ARHGAP20: variants seen among roughly 807,000 people sequenced by gnomAD.
ARHGAP20 encodes the protein Rho GTPase activating protein 20.
ARHGAP20 carries 34 observed loss-of-function variants against 73.7 expected under a neutral mutation model. The observed-to-expected ratio is 0.46, with a 90% CI of 0.35 to 0.61. The LOEUF (loss-of-function observed/expected upper bound fraction) is 0.61. Ranked by LOEUF, ARHGAP20 falls within the 20% of genes least tolerant of loss-of-function variation. The probability of loss-of-function intolerance (pLI) is 0.00; values close to 1 mark genes in which losing one functional copy is unlikely to be tolerated. For missense variants in ARHGAP20, 1,314 were observed against 1,420.9 expected (o/e 0.92, Z 1.21); for synonymous variants, 523 against 518.2 (o/e 1.01, Z -0.13).
intron 2 of ARHGAP20, among the ~76,000 whole-genome samples, chr11:110,678,706 G>A (rs190703798): frequency 3.9e-4 from 60 of 152,208 alleles, no homozygotes; most frequent in Middle Eastern, 3.4e-3. Context: ...CTGTTGTCCA[G>A]GCTGGAGTGC....
At chr11:110,643,357 G>A (rs1368039049) in intron 2 of ARHGAP20, among the ~76,000 whole-genome samples, 1 of 151,990 alleles carries the variant, frequency 6.6e-6, no homozygotes, top group Non-Finnish European at 1.5e-5. Flanking sequence ...TAGATGTGAC[G>A]TTAGATTGTT....
rs190760667 is a variant in ARHGAP20 at position 110,641,978 on chromosome 11, A to G, written c.189-11186T>C. Among the ~76,000 whole-genome samples the G allele has an allele frequency of 3.5e-3, 536 of 152,218 alleles. 4 individuals carry two copies. Among genetic ancestry groups the G allele is most frequent in the Admixed American group, 0.015 (227 of 15,256 alleles). The stretch of plus-strand genomic sequence containing the variant: ...TGTTAGTTTGTTTATGGATTCAACA[A>G]TGAACAAGGTCATCAATATGCTTAC... On this transcript the variant is annotated intron_variant, in intron 2 of 14. Transcript: ENST00000683387.
intron 2 of ARHGAP20, among the ~76,000 whole-genome samples, chr11:110,638,594 G>A (rs1003455385): frequency 6.6e-6 from 1 of 151,910 alleles, no homozygotes; most frequent in Non-Finnish European, 1.5e-5. Flanking sequence ...TGGGGGTGGG[G>A]TGGGGTGAGC....
At chr11:110,615,471 A>G (rs760960491) in intron 5 of ARHGAP20, 82 bp downstream of exon 5, 1 of 1,320,698 alleles carries the variant, frequency 7.6e-7, no homozygotes, top group Non-Finnish European at 1.1e-6. Flanking sequence ...AAGGGGAATA[A>G]TTTGGGGCAC....
chr11:110,644,997 T>TTCTCTCTCTCTCTCTCTCTCTC (rs71476091), intron 2 of ARHGAP20, among the ~76,000 whole-genome samples: 10 of 150,412 alleles, frequency 6.6e-5, no homozygotes, highest in South Asian at 2.1e-4. Flanking sequence ...GAACAGACAC[T>TTCTCTCTCTCTCTCTCTCTCTC]TCTCTCTCTC....
At chr11:110,663,302 G>T (rs1002579102) in intron 2 of ARHGAP20, among the ~76,000 whole-genome samples, 1 of 149,974 alleles carries the variant, frequency 6.7e-6, no homozygotes, top group Non-Finnish European at 1.5e-5. Flanking sequence ...GACTGTTCAG[G>T]AATATGAGAA....
rs184717786 is a variant in ARHGAP20, at chr11:110,579,367, T to A, written c.*3A>T. On this transcript the variant is annotated 3_prime_UTR_variant, in exon 15 of 15. Transcript: ENST00000683387. Reference sequence around the variant, plus strand: ...TCTTGTGGACATCAGATTCTTACTATGCTTAAATGTCTTTGGTTAAATACC... The same window carrying A: ...TCTTGTGGACATCAGATTCTTACTAAGCTTAAATGTCTTTGGTTAAATACC... 8 of 1,574,372 alleles carry A rather than the reference T, an allele frequency of 5.1e-6. No individual in the cohort carries two copies. In the Admixed American group the frequency reaches 1.4e-4, roughly 28 times the overall value.
At chr11:110,633,997 T>C (rs910747759) in intron 2 of ARHGAP20, among the ~76,000 whole-genome samples, 1 of 151,936 alleles carries the variant, frequency 6.6e-6, no homozygotes, top group African/African-American at 2.4e-5. Context: ...TGAGAAAAGA[T>C]GTAAGTTGAA....
In ARHGAP20 at chr11:110,580,958, A is replaced by G; in HGVS notation, c.1988T>C (p.Leu663Ser). The change falls in exon 15 of 15, where the codon TTA becomes TCA. Residue 663 changes from leucine to serine, a missense_variant. By Grantham distance (145) the Leu-to-Ser change is moderately radical (BLOSUM62 -2). Coordinates refer to ENST00000683387, the MANE Select transcript of ARHGAP20 (RefSeq NM_001384657.1). ...RPLESKPVNI[L>S]VYTKIPLRDH... The stretch of plus-strand genomic sequence containing the variant: ...CCGCAGTGGGATCTTTGTGTACACT[A>G]AAATGTTCACCGGCTTGGATTCAAG... 1 of 1,614,210 alleles carries G rather than the reference A, an allele frequency of 6.2e-7. No homozygotes were observed. Among genetic ancestry groups the G allele is most frequent in the Non-Finnish European group, 8.5e-7 (1 of 1,180,030 alleles).
At chr11:110,703,434 A>G (rs898813645) in intron 1 of ARHGAP20, among the ~76,000 whole-genome samples, 6 of 151,746 alleles carry the variant, frequency 4.0e-5, no homozygotes, top group African/African-American at 7.3e-5. Context: ...TAAAATGGAC[A>G]CAATACCTGC....
At chr11:110,701,896 T>TA (rs1565485681) in intron 1 of ARHGAP20, among the ~76,000 whole-genome samples, 1 of 152,112 alleles carries the variant, frequency 6.6e-6, no homozygotes, top group Non-Finnish European at 1.5e-5. Context: ...TAGTTGTAGA[T>TA]ATGCGGCGTT....
chr11:110,710,128 C>T (rs1405733974), intron 1 of ARHGAP20, among the ~76,000 whole-genome samples: 3 of 152,178 alleles, frequency 2.0e-5, no homozygotes, highest in African/African-American at 7.2e-5. Flanking sequence ...GTATGAATTA[C>T]AGATATAGGG....
chr11:110,611,771 A>G (rs1253254211), intron 6 of ARHGAP20, among the ~76,000 whole-genome samples: 2 of 152,032 alleles, frequency 1.3e-5, no homozygotes, highest in South Asian at 2.1e-4. Flanking sequence ...AAAAAAGGCA[A>G]GAGCTGAATC....
intron 4 of ARHGAP20, among the ~76,000 whole-genome samples, chr11:110,622,812 A>G (rs1343953670): frequency 1.3e-5 from 2 of 152,228 alleles, no homozygotes; most frequent in Non-Finnish European, 2.9e-5. Context: ...TTATCACAAT[A>G]CATCAAGGAG....
chr11:110,686,861 T>C (rs1052825141), intron 2 of ARHGAP20, among the ~76,000 whole-genome samples: 5 of 151,838 alleles, frequency 3.3e-5, no homozygotes, highest in African/African-American at 4.8e-5. Flanking sequence ...TGAAATTGTA[T>C]TGCTTACAAA....
At position 110,630,791 on chromosome 11, in the gene ARHGAP20, C is replaced by T. The variant is rs757739907; in HGVS notation, c.190G>A (p.Asp64Asn). 1 of 1,612,092 alleles carries T rather than the reference C, an allele frequency of 6.2e-7. No homozygotes were observed. Among genetic ancestry groups the T allele is most frequent in the East Asian group, 2.2e-5 (1 of 44,844 alleles). ...KALQKRPTTR[D>N]SPSASVDTCT... The stretch of plus-strand genomic sequence containing the variant: ...GTGTCAACACTAGCAGAAGGACTGT[C>T]CCTGTAACAGATCAAATGCCACAGA... The change falls in exon 3 of 15, where the codon GAC becomes AAC. Residue 64 changes from aspartate (D) to asparagine (N), a missense_variant and splice_region_variant. This residue lies in a region of ARHGAP20 where 443 missense variants were observed against 466.4 expected (regional missense o/e 0.95). Coordinates refer to ENST00000683387, the MANE Select transcript of ARHGAP20 (RefSeq NM_001384657.1).
At chr11:110,674,967 C>T (rs779906875) in intron 2 of ARHGAP20, among the ~76,000 whole-genome samples, 6 of 152,156 alleles carry the variant, frequency 3.9e-5, no homozygotes, top group Non-Finnish European at 4.4e-5. Flanking sequence ...ATGTACAGAA[C>T]GTGCAGTTTT....
At chr11:110,612,710 T>C (rs1371979296) in intron 6 of ARHGAP20, among the ~76,000 whole-genome samples, 1 of 151,794 alleles carries the variant, frequency 6.6e-6, no homozygotes, top group African/African-American at 2.4e-5. Flanking sequence ...AATTCATTAT[T>C]TATCCTTCCA....
intron 9 of ARHGAP20, among the ~76,000 whole-genome samples, chr11:110,600,617 G>T (rs1948086220): frequency 6.6e-6 from 1 of 152,252 alleles, no homozygotes; most frequent in African/African-American, 2.4e-5. Context: ...AGTGGCCTGA[G>T]CAAATCTTGG....
Sources: gnomAD v4.1 joint callset for allele counts (sites outside exome capture counted in the v4.1 genomes callset) on GRCh38, gnomAD v4.1.1 for gene constraint, gnomAD v4.1.1 regional missense constraint, MANE v1.5 for transcripts, NCBI Gene and HGNC (gene_info 2026-07-23, HGNC 2026-07-21) for gene names.